Variants in KIAA0586 observed in about 807,000 individuals in gnomAD.
The protein encoded by KIAA0586 is protein TALPID3.
Under a neutral mutation model 169.8 loss-of-function variants are expected in KIAA0586, and 144 were observed. The observed-to-expected ratio is 0.85, with a 90% confidence interval of 0.74 to 0.97. KIAA0586 has a LOEUF of 0.97. KIAA0586 is among the 50% of genes least tolerant of loss of function. KIAA0586 has a pLI of 0.00. For missense variants in KIAA0586, 1,854 were observed against 1,823.0 expected (o/e 1.02, Z -0.31); for synonymous variants, 625 against 612.4 (o/e 1.02, Z -0.30).
chr14:58,492,179 G>A lies in KIAA0586; in HGVS notation c.3894G>A (p.Arg1298=), dbSNP rs1375416810. The change falls in exon 26 of 31, where the codon AGG becomes AGA. Residue 1298 remains arginine (R), a synonymous_variant. Transcript: ENST00000652326. ...DDPPSEGQVI[R]MSHKKFHADA... Reference sequence around the variant, plus strand: ...CTCCTAGTGAAGGGCAAGTGATTAGGATGTCCCATAAAAAATTTCATGCAG... The same window carrying A: ...CTCCTAGTGAAGGGCAAGTGATTAGAATGTCCCATAAAAAATTTCATGCAG... The A allele has an allele frequency of 1.3e-5, 20 of 1,549,234 alleles. No homozygotes were observed. The highest frequency in any genetic ancestry group is 1.7e-5 in the Non-Finnish European group (19 of 1,145,502).
chr14:58,479,184 T>G (rs193041252), intron 20 of KIAA0586, among the ~76,000 whole-genome samples: 1,601 of 152,324 alleles, frequency 0.011, 27 homozygotes, highest in Non-Finnish European at 0.014. Flanking sequence ...CCCCAACACT[T>G]GGTGTTGTCA....
intron 21 of KIAA0586, among the ~76,000 whole-genome samples, chr14:58,485,630 A>G (rs1310561778): frequency 1.3e-5 from 2 of 152,232 alleles, no homozygotes; most frequent in African/African-American, 4.8e-5. Context: ...GGTAGAAAGG[A>G]CAAGAGTAGG....
chr14:58,502,952 C>G (rs546683642), intron 27 of KIAA0586, among the ~76,000 whole-genome samples: 2 of 152,198 alleles, frequency 1.3e-5, no homozygotes, highest in Admixed American at 1.3e-4. Context: ...TTTGCCCCTC[C>G]CCACCCCTGC....
At chr14:58,553,223 T>TA (rs1338720535), downstream of KIAA0586, among the ~76,000 whole-genome samples, 5 of 152,228 alleles carry the variant, frequency 3.3e-5, no homozygotes, top group African/African-American at 9.6e-5. Context: ...TGGTATGCTC[T>TA]AAAGTATATA....
chr14:58,488,999 G>C, intron 24 of KIAA0586, 125 bp downstream of exon 24: 1 of 927,766 alleles, frequency 1.1e-6, no homozygotes, highest in South Asian at 1.8e-5. Context: ...GAAAGAATAG[G>C]GGACTCAATG....
In KIAA0586 at chr14:58,454,937, G is replaced by C. The variant is rs1040234896; in HGVS notation, c.1253+1464G>C. Among the ~76,000 whole-genome samples, 9 of 152,290 alleles carry C rather than the reference G, an allele frequency of 5.9e-5. No homozygotes were observed. The East Asian group carries it at 1.7e-3, about 29-fold the overall frequency. On this transcript the variant is annotated intron_variant, in intron 9 of 30. Coordinates refer to ENST00000652326, the MANE Select transcript of KIAA0586 (RefSeq NM_001329943.3). ...GTCACCTGACTGCCTTTTGGACTCTGTGGTTTCTGATGAGGAGTTGTATGT... is the reference window on the plus strand; with the variant it reads ...GTCACCTGACTGCCTTTTGGACTCTCTGGTTTCTGATGAGGAGTTGTATGT...
chr14:58,503,715 T>C (rs529278045), intron 27 of KIAA0586, among the ~76,000 whole-genome samples: 1 of 152,120 alleles, frequency 6.6e-6, no homozygotes, highest in South Asian at 2.1e-4. Flanking sequence ...GAAGTCTTGC[T>C]TGAAGTGACT....
downstream of KIAA0586, among the ~76,000 whole-genome samples, chr14:58,556,124 A>G (rs74058022): frequency 0.023 from 3,500 of 152,302 alleles, 162 homozygotes; most frequent in African/African-American, 0.079. Flanking sequence ...TGTTTCTTTA[A>G]CATCCCACAG....
At chr14:58,493,521 G>A (rs1417423516) in intron 26 of KIAA0586, among the ~76,000 whole-genome samples, 1 of 152,104 alleles carries the variant, frequency 6.6e-6, no homozygotes, top group Non-Finnish European at 1.5e-5. Context: ...CTTTAGATGA[G>A]CTGGAGATCT....
intron 24 of KIAA0586, 94 bp from the exon 25 acceptor site, chr14:58,490,070 A>G (rs2042734914): frequency 4.9e-6 from 3 of 613,542 alleles, no homozygotes; most frequent in Middle Eastern, 6.3e-4. Flanking sequence ...TTGCAGTATA[A>G]TTTTGAATCT....
At chr14:58,480,948 T>C (rs887938987) in intron 20 of KIAA0586, among the ~76,000 whole-genome samples, 4 of 152,348 alleles carry the variant, frequency 2.6e-5, no homozygotes, top group Middle Eastern at 3.4e-3. Context: ...CAAAGATTTG[T>C]GTTTGCTTTT....
chr14:58,467,683 T>G, intron 15 of KIAA0586, 52 bp from the exon 16 acceptor site: 1 of 1,344,478 alleles, frequency 7.4e-7, no homozygotes, highest in Non-Finnish European at 1.0e-6. Context: ...ATATTAGACT[T>G]TTCCCTTTTT....
rs373882617 is a variant in KIAA0586 at position 58,429,349 on chromosome 14, C to T, written c.200-14C>T. Reference sequence around the variant, plus strand: ...ATTTTAAAATCACTAAAATCTATTCCTTTGTTTTGTTAGGTTCATCAGACT... The same window carrying T: ...ATTTTAAAATCACTAAAATCTATTCTTTTGTTTTGTTAGGTTCATCAGACT... On this transcript the variant is annotated splice_polypyrimidine_tract_variant and intron_variant, in intron 1 of 30. Coordinates refer to ENST00000652326, the MANE Select transcript of KIAA0586 (RefSeq NM_001329943.3). The T allele has an allele frequency of 6.6e-7, 1 of 1,514,356 alleles. No homozygotes were observed. The allele number at this position is 1,514,356 out of a possible 1,614,324, so 93.8% of individuals were successfully genotyped here.
intron 18 of KIAA0586, among the ~76,000 whole-genome samples, chr14:58,473,161 G>C (rs1226670466): frequency 6.6e-6 from 1 of 151,554 alleles, no homozygotes; most frequent in African/African-American, 2.4e-5. Flanking sequence ...TTTTTCAATG[G>C]AATAATATTA....
chr14:58,443,577 C>T (rs1162067901), intron 5 of KIAA0586, among the ~76,000 whole-genome samples: 1 of 152,144 alleles, frequency 6.6e-6, no homozygotes, highest in Non-Finnish European at 1.5e-5. Flanking sequence ...CCGCACGCCA[C>T]CATGCCTGGC....
rs77810875 is a variant in KIAA0586, at chr14:58,487,139, C to T, written c.3277C>T (p.Pro1093Ser). The T allele has an allele frequency of 6.2e-7, 1 of 1,611,966 alleles. No individual in the cohort carries two copies. The highest frequency in any genetic ancestry group is 1.7e-5 in the Admixed American group (1 of 59,550). The change falls in exon 22 of 31, where the codon CCT becomes TCT. Residue 1093 changes from proline (P) to serine (S), a missense_variant. Pro to Ser is a moderately conservative substitution (Grantham distance 74). Transcript: ENST00000652326. ...PCDSDHDMAFPVKEICAEKGD... is the reference protein window; with the variant it reads ...PCDSDHDMAFSVKEICAEKGD... ...TGATTCGGATCATGATATGGCTTTT[C>T]CTGTGAAAGAAATATGTGCTGAAAA... is the stretch of plus-strand genomic sequence containing the variant.
chr14:58,453,329 A>C lies in KIAA0586; in HGVS notation c.1130-21A>C, dbSNP rs1340916202. The C allele has an allele frequency of 2.6e-6, 3 of 1,170,642 alleles. No individual in the cohort carries two copies. In the South Asian group the frequency reaches 4.8e-5, roughly 19 times the overall value. The allele number at this position is 1,170,642 out of a possible 1,614,324, so 72.5% of individuals were successfully genotyped here. A position where few individuals can be genotyped will look rare whatever the true frequency, so the allele number is the denominator to read the frequency against. On this transcript the variant is annotated intron_variant, in intron 8 of 30. Coordinates refer to ENST00000652326, the MANE Select transcript of KIAA0586 (RefSeq NM_001329943.3). Reference sequence around the variant, plus strand: ...AATGAATTAGTATTTGGAAAATGATACTATATCTCTTCTATTTCAGGAAAT... The same window carrying C: ...AATGAATTAGTATTTGGAAAATGATCCTATATCTCTTCTATTTCAGGAAAT...
chr14:58,524,236 A>G (rs2045419625), intron 29 of KIAA0586, among the ~76,000 whole-genome samples: 1 of 152,166 alleles, frequency 6.6e-6, no homozygotes, highest in Non-Finnish European at 1.5e-5. Context: ...GCTGTAAGAA[A>G]CTGTTATTTT....
intron 29 of KIAA0586, among the ~76,000 whole-genome samples, chr14:58,529,692 T>G (rs1244549432): frequency 6.6e-6 from 1 of 152,146 alleles, no homozygotes; most frequent in Non-Finnish European, 1.5e-5. Context: ...AACTATCTAT[T>G]GATGAAACAT....
Sources: gnomAD v4.1 joint callset for allele counts (sites outside exome capture counted in the v4.1 genomes callset) on GRCh38, gnomAD v4.1.1 for gene constraint, MANE v1.5 for transcripts, NCBI Gene and HGNC (gene_info 2026-07-23, HGNC 2026-07-21) for gene names.